The following AMMECR1L variants were observed in gnomAD, a reference collection of about 807,000 sequenced individuals.
AMMECR1L encodes AMMECR1-like protein.
In AMMECR1L, 4 loss-of-function variants were observed where a neutral mutation model predicts 36.8. The observed-to-expected ratio is 0.11, with a 90% CI of 0.05 to 0.25. AMMECR1L has a LOEUF of 0.25. Among genes scored for constraint, AMMECR1L ranks in the 10% least tolerant of loss-of-function variants. The pLI is 1.00. For missense variants in AMMECR1L, 232 were observed against 392.1 expected (o/e 0.59, Z 3.45); for synonymous variants, 147 against 148.0 (o/e 0.99, Z 0.05).
chr2:127,873,993 G>A lies in AMMECR1L; in HGVS notation c.242C>T (p.Pro81Leu), dbSNP rs746788041. 3.1e-6 allele frequency: 5 copies of A among 1,614,232 alleles called. No homozygotes were observed. The highest frequency in any genetic ancestry group is 1.1e-5 in the South Asian group (1 of 91,082). Residue 81 changes from proline to leucine, a missense_variant, in exon 3 of 8, where the codon CCC becomes CTC. By Grantham distance (98) the Pro-to-Leu change is moderately conservative. Coordinates refer to ENST00000272647, the MANE Select transcript of AMMECR1L (RefSeq NM_001199140.2). This position sits in a 1 kb window ranked among gnomAD's most constrained non-coding sequence, Gnocchi z 5.2. Reference protein sequence around the residue: ...PGNSPITRMNPASGALSPLPR... With the variant: ...PGNSPITRMNLASGALSPLPR... The stretch of plus-strand genomic sequence containing the variant: ...AAGAGGGCTCAGCGCTCCCGATGCG[G>A]GATTCATTCGTGTGATGGGAGAGTT...
chr2:127,864,224 A>G lies in AMMECR1L; in HGVS notation c.*870T>C, dbSNP rs1292903939. ...CTTCTGAGAACTTAGGTCCAGCTAT[A>G]GGCACTGCTACCAGCAGAGGAGTGA... On this transcript the variant is annotated 3_prime_UTR_variant, in exon 8 of 8. Transcript: ENST00000272647. 1 of 152,738 alleles carries G rather than the reference A, an allele frequency of 6.5e-6. No homozygotes were observed. The highest frequency in any genetic ancestry group is 2.4e-5 in the African/African-American group (1 of 41,460). 9.5% of individuals were successfully genotyped at this position (152,738 alleles called of 1,614,324 possible).
In AMMECR1L at chr2:127,871,302, C is replaced by T; in HGVS notation, c.465G>A (p.Gly155=). 1 of 1,614,118 alleles carries T rather than the reference C, an allele frequency of 6.2e-7. No individual in the cohort carries two copies. The highest frequency in any genetic ancestry group is 2.2e-5 in the East Asian group (1 of 44,886). The change falls in exon 4 of 8, where the codon GGG becomes GGA. Residue 155 remains glycine (G), a synonymous_variant. Coordinates refer to ENST00000272647, the MANE Select transcript of AMMECR1L (RefSeq NM_001199140.2). The surrounding 1 kb of genome is among the most constrained non-coding windows in gnomAD (Gnocchi z 4.3). ...GRDKRLRGCI[G]TFSAMNLHSG... ...AATGAAGATTCATGGCTGAGAAGGT[C>T]CCAATGCAGCCACGAAGCCGCTTGT... is the stretch of plus-strand genomic sequence containing the variant.
In AMMECR1L at chr2:127,863,787, T is replaced by C. The variant is rs1490392478; in HGVS notation, c.*1307A>G. 6.6e-6 allele frequency: 1 copy of C among 152,644 alleles called. No homozygotes were observed. Among genetic ancestry groups the C allele is most frequent in the Non-Finnish European group, 1.5e-5 (1 of 68,042 alleles). The allele number at this position is 152,644 out of a possible 1,614,324, so 9.5% of individuals were successfully genotyped here. On this transcript the variant is annotated 3_prime_UTR_variant, in exon 8 of 8. Coordinates refer to ENST00000272647, the MANE Select transcript of AMMECR1L (RefSeq NM_001199140.2). ...GCATCTTCCAAGTCCCCTAGTTCTATGAACTTTGCCACCAAATGAGTGAAG... is the reference window on the plus strand; with the variant it reads ...GCATCTTCCAAGTCCCCTAGTTCTACGAACTTTGCCACCAAATGAGTGAAG...
intron 2 of AMMECR1L, among the ~76,000 whole-genome samples, chr2:127,877,827 G>A (rs111815822): frequency 2.6e-5 from 4 of 152,142 alleles, no homozygotes; most frequent in Non-Finnish European, 4.4e-5. Flanking sequence ...GAGGTCGATC[G>A]AGGTGGGAGG....
Position 127,873,119 on chromosome 2 carries a change from C to T in AMMECR1L, c.407+709G>A. On this transcript the variant is annotated intron_variant, in intron 3 of 7. Coordinates refer to ENST00000272647, the MANE Select transcript of AMMECR1L (RefSeq NM_001199140.2). The surrounding 1 kb of genome is among the most constrained non-coding windows in gnomAD (Gnocchi z 5.2). ...CTCATATCAATGAACACTCCAAAAGCATACCCCCAAAACAAAAATAAAAAA... is the reference window on the plus strand; with the variant it reads ...CTCATATCAATGAACACTCCAAAAGTATACCCCCAAAACAAAAATAAAAAA... 7.1e-6 allele frequency: 7 copies of T among 985,420 alleles called. No individual in the cohort carries two copies. The highest frequency in any genetic ancestry group is 8.4e-6 in the Non-Finnish European group (7 of 829,934). 61.0% of individuals were successfully genotyped at this position (985,420 alleles called of 1,614,324 possible). A position where few individuals can be genotyped will look rare whatever the true frequency, so the allele number is the denominator to read the frequency against.
At position 127,871,460 on chromosome 2, in the gene AMMECR1L, A is replaced by G. The variant is rs1690961064; in HGVS notation, c.408-101T>C. The G allele has an allele frequency of 8.1e-7, 1 of 1,235,152 alleles. No individual in the cohort carries two copies. The highest frequency in any genetic ancestry group is 1.5e-5 in the African/African-American group (1 of 66,694). 76.5% of individuals were successfully genotyped at this position (1,235,152 alleles called of 1,614,324 possible). ...CCCTATTCATTTCTGTTATTGCCAA[A>G]AATCCCTGTTTTTGGACTTGCCAGC... On this transcript the variant is annotated intron_variant, in intron 3 of 7. Transcript: ENST00000272647. This position sits in a 1 kb window ranked among gnomAD's most constrained non-coding sequence, Gnocchi z 4.3.
At position 127,873,323 on chromosome 2, in the gene AMMECR1L, G is replaced by A. The variant is rs1034317930; in HGVS notation, c.407+505C>T. The A allele has an allele frequency of 2.0e-6, 2 of 985,340 alleles. No homozygotes were observed. The highest frequency in any genetic ancestry group is 3.5e-5 in the African/African-American group (2 of 57,248). 61.0% of individuals were successfully genotyped at this position (985,340 alleles called of 1,614,324 possible). A position where few individuals can be genotyped will look rare whatever the true frequency, so the allele number is the denominator to read the frequency against. ...AACTAAAAATACTGAAGCAGATTCT[G>A]ACTTCTTGATGGGATGTGAGTGGCC... On this transcript the variant is annotated intron_variant, in intron 3 of 7. Coordinates refer to ENST00000272647, the MANE Select transcript of AMMECR1L (RefSeq NM_001199140.2). The surrounding 1 kb of genome is among the most constrained non-coding windows in gnomAD (Gnocchi z 5.2).
chr2:127,870,364 A>G (rs1450407871), intron 5 of AMMECR1L, among the ~76,000 whole-genome samples: 1 of 151,974 alleles, frequency 6.6e-6, no homozygotes, highest in Non-Finnish European at 1.5e-5. Context: ...AATCCCAGCT[A>G]CTTGGGACAC....
chr2:127,867,059 T>C (rs1690718549), intron 6 of AMMECR1L, 63 bp from the exon 7 acceptor site: 4 of 1,605,806 alleles, frequency 2.5e-6, no homozygotes, highest in Admixed American at 1.7e-5. Context: ...TGCTCTCACA[T>C]GGCCCGTGCA....
chr2:127,867,110 G>C, intron 6 of AMMECR1L, 114 bp from the exon 7 acceptor site: 4 of 1,528,824 alleles, frequency 2.6e-6, no homozygotes, highest in African/African-American at 1.4e-5. Flanking sequence ...AGTCTGCTAA[G>C]GCAGAGGAAG....
At chr2:127,868,120 C>G (rs1374185654) in intron 6 of AMMECR1L, among the ~76,000 whole-genome samples, 1 of 152,120 alleles carries the variant, frequency 6.6e-6, no homozygotes, top group Non-Finnish European at 1.5e-5. Context: ...ACCTACCTTG[C>G]CCTCCCAAAG....
chr2:127,871,897 G>T lies in AMMECR1L; in HGVS notation c.408-538C>A, dbSNP rs575210491. ...AAACATTTTTTAATTTTTAAAAAAA[G>T]ATTTAAAAAGGCCGGGTGCAGTGGC... On this transcript the variant is annotated intron_variant, in intron 3 of 7. Transcript: ENST00000272647. The surrounding 1 kb of genome is among the most constrained non-coding windows in gnomAD (Gnocchi z 4.3). Among the ~76,000 whole-genome samples, 2 of 152,146 alleles carry T rather than the reference G, an allele frequency of 1.3e-5. No individual in the cohort carries two copies. Among genetic ancestry groups the T allele is most frequent in the South Asian group, 4.1e-4 (2 of 4,822 alleles).
At chr2:127,877,729 C>T (rs1473347688) in intron 2 of AMMECR1L, among the ~76,000 whole-genome samples, 1 of 152,156 alleles carries the variant, frequency 6.6e-6, no homozygotes, top group Non-Finnish European at 1.5e-5. Flanking sequence ...CCACTGGATT[C>T]AGTCTTTCTT....
In AMMECR1L at chr2:127,869,427, C is replaced by T; in HGVS notation, c.724+27G>A. 1 of 1,583,274 alleles carries T rather than the reference C, an allele frequency of 6.3e-7. No homozygotes were observed. Among genetic ancestry groups the T allele is most frequent in the South Asian group, 1.1e-5 (1 of 90,412 alleles). On this transcript the variant is annotated intron_variant, in intron 6 of 7. Transcript: ENST00000272647. The surrounding 1 kb of genome is among the most constrained non-coding windows in gnomAD (Gnocchi z 4.7). Reference sequence around the variant, plus strand: ...TGGCACCACTGTGAATGATACTTGTCATTAAAATCCCATTCATCCAACTCA... The same window carrying T: ...TGGCACCACTGTGAATGATACTTGTTATTAAAATCCCATTCATCCAACTCA...
In AMMECR1L at chr2:127,865,258, A is replaced by C; in HGVS notation, c.822-53T>G. ...AGGAACCCCAAACGCTTCATTTTGT[A>C]AAGTCACTCAGCAGAGAAAAACCAA... On this transcript the variant is annotated intron_variant, in intron 7 of 7. Transcript: ENST00000272647. This position sits in a 1 kb window ranked among gnomAD's most constrained non-coding sequence, Gnocchi z 5.4. 5.3e-6 allele frequency: 7 copies of C among 1,324,146 alleles called. No homozygotes were observed. Among genetic ancestry groups the C allele is most frequent in the Non-Finnish European group, 6.4e-6 (6 of 944,050 alleles). The allele number at this position is 1,324,146 out of a possible 1,614,324, so 82.0% of individuals were successfully genotyped here.
At position 127,885,881 on chromosome 2, in the gene AMMECR1L, G is replaced by A. The variant is rs1691758238; in HGVS notation, c.-220C>T. 8.1e-6 allele frequency: 8 copies of A among 986,118 alleles called. No homozygotes were observed. Among genetic ancestry groups the A allele is most frequent in the Non-Finnish European group, 9.6e-6 (8 of 830,006 alleles). 61.1% of individuals were successfully genotyped at this position (986,118 alleles called of 1,614,324 possible). On this transcript the variant is annotated 5_prime_UTR_variant, in exon 1 of 8. Coordinates refer to ENST00000272647, the MANE Select transcript of AMMECR1L (RefSeq NM_001199140.2). Reference sequence around the variant, plus strand: ...GCTCTGCCTCCTCCTCTTGCTTCATGGAGCCATGCGCCTGGGTGGGGGCTC... The same window carrying A: ...GCTCTGCCTCCTCCTCTTGCTTCATAGAGCCATGCGCCTGGGTGGGGGCTC...
Position 127,885,953 on chromosome 2 carries a change from G to C in AMMECR1L, c.-292C>G. On this transcript the variant is annotated 5_prime_UTR_variant, in exon 1 of 8. Transcript: ENST00000272647. ...GCGGGCCGGACGCGCTGCGCGGACG[G>C]GGCGGGGCGAAGGAGGCCGGCGGGC... 1.0e-6 allele frequency: 1 copy of C among 993,936 alleles called. No individual in the cohort carries two copies. The highest frequency in any genetic ancestry group is 4.5e-5 in the South Asian group (1 of 22,294). 61.6% of individuals were successfully genotyped at this position (993,936 alleles called of 1,614,324 possible).
At position 127,874,315 on chromosome 2, in the gene AMMECR1L, T is replaced by C. The variant is rs1691126937; in HGVS notation, c.-38-43A>G. ...TTAAGCATTAATTTGACTGGTTAGT[T>C]AAAAGGAGAGGAAAAAACATCAAAG... On this transcript the variant is annotated intron_variant, in intron 2 of 7. Transcript: ENST00000272647. This position sits in a 1 kb window ranked among gnomAD's most constrained non-coding sequence, Gnocchi z 5.2. 1 of 1,531,698 alleles carries C rather than the reference T, an allele frequency of 6.5e-7. No individual in the cohort carries two copies. Among genetic ancestry groups the C allele is most frequent in the Non-Finnish European group, 8.8e-7 (1 of 1,138,766 alleles). The allele number at this position is 1,531,698 out of a possible 1,614,324, so 94.9% of individuals were successfully genotyped here. A position where few individuals can be genotyped will look rare whatever the true frequency, so the allele number is the denominator to read the frequency against.
In AMMECR1L at chr2:127,870,851, G is replaced by A; in HGVS notation, c.596C>T (p.Thr199Ile). The A allele has an allele frequency of 1.2e-6, 2 of 1,613,444 alleles. No individual in the cohort carries two copies. Among genetic ancestry groups the A allele is most frequent in the Non-Finnish European group, 1.7e-6 (2 of 1,179,812 alleles). Residue 199 changes from threonine (T) to isoleucine (I), a missense_variant, in exon 5 of 8, where the codon ACT becomes ATT. Thr to Ile is a moderately conservative substitution (Grantham distance 89). Around this residue, in one of 3 missense-constraint regions of AMMECR1L, gnomAD observed 83 missense variants for 229.5 expected, o/e 0.36. Transcript: ENST00000272647. ...GTAATCACTGGCATCCTCAAAGTTA[G>A]TAAGGAGGGAGACAGAGCAGAAAAG... ...PKLFCSVSLL[T>I]NFEDASDYLD...
Sources: allele counts gnomAD v4.1 joint callset (sites outside exome capture counted in the v4.1 genomes callset), GRCh38; gene constraint gnomAD v4.1.1; regional missense constraint gnomAD v4.1.1; non-coding constraint Gnocchi (gnomAD v3.1); transcripts MANE v1.5; gene names NCBI Gene and HGNC (gene_info 2026-07-23, HGNC 2026-07-21).